STK32B: variants seen among roughly 807,000 people sequenced by gnomAD.
The protein encoded by STK32B is serine/threonine-protein kinase 32B.
STK32B carries 43 observed loss-of-function variants against 52.6 expected under a neutral mutation model. The observed-to-expected ratio is 0.82, with a 90% CI of 0.64 to 1.05. The LOEUF is 1.05. STK32B is among the 50% of genes least tolerant of loss of function. STK32B has a pLI of 0.00. For synonymous variants in STK32B, 238 were observed against 204.3 expected (o/e 1.17, Z -1.41); for missense variants, 621 against 534.6 (o/e 1.16, Z -1.59).
intron 2 of STK32B, among the ~76,000 whole-genome samples, chr4:5,167,579 A>T: frequency 6.6e-6 from 1 of 152,228 alleles, no homozygotes. Flanking sequence ...GAAGGAAGAC[A>T]GCCAGGAAAG....
intron 3 of STK32B, among the ~76,000 whole-genome samples, chr4:5,245,957 A>G (rs1157595253): frequency 6.6e-6 from 1 of 152,140 alleles, no homozygotes; most frequent in Non-Finnish European, 1.5e-5. Context: ...TAGTCTGAGG[A>G]GCTTCCCTTT....
chr4:5,460,017 A>G lies in STK32B; in HGVS notation c.784-86A>G, dbSNP rs1716904618. ...GAGCGTGAAGAGCAGAGGCACATTA[A>G]TTGCCCTGAGACCCCCTCCTTCAGA... On this transcript the variant is annotated intron_variant, in intron 8 of 11. Transcript: ENST00000282908. The surrounding 1 kb of genome is among the most constrained non-coding windows in gnomAD (Gnocchi z 4.8). The G allele has an allele frequency of 6.3e-7, 1 of 1,597,278 alleles. No individual in the cohort carries two copies. Among genetic ancestry groups the G allele is most frequent in the Non-Finnish European group, 8.6e-7 (1 of 1,167,110 alleles).
Position 5,486,242 on chromosome 4 carries a change from G to C in STK32B, c.1107-12703G>C, listed in dbSNP as rs552681062. On this transcript the variant is annotated intron_variant, in intron 11 of 11. Transcript: ENST00000282908. ...AGCCGTAGTGGGCTCCACCCAGTTC[G>C]AGCTTCCCAGCCTCTTTGTTTACCT... 2.0e-5 allele frequency among the ~76,000 whole-genome samples: 3 copies of C among 152,280 alleles called. No individual in the cohort carries two copies. In the East Asian group the frequency reaches 5.8e-4, roughly 29 times the overall value.
rs142008928 is a variant in STK32B, at chr4:5,455,546, C to T, written c.667-1261C>T. On this transcript the variant is annotated intron_variant, in intron 7 of 11. Coordinates refer to ENST00000282908, the MANE Select transcript of STK32B (RefSeq NM_018401.3). ...AGGGCTGGGCTTCTTGGAACTTTTCCGAAGCAAGAACTCAAGGTGCAGCCA... is the reference window on the plus strand; with the variant it reads ...AGGGCTGGGCTTCTTGGAACTTTTCTGAAGCAAGAACTCAAGGTGCAGCCA... Among the ~76,000 whole-genome samples the T allele has an allele frequency of 1.7e-4, 26 of 152,276 alleles. No individual in the cohort carries two copies. In the East Asian group the frequency reaches 4.8e-3, roughly 28 times the overall value.
chr4:5,119,532 T>A (rs1373895776), intron 1 of STK32B, among the ~76,000 whole-genome samples: 1 of 152,234 alleles, frequency 6.6e-6, no homozygotes, highest in African/African-American at 2.4e-5. Flanking sequence ...CATGTCATAT[T>A]TTTTTCCTCT....
In STK32B at chr4:5,500,553, A is replaced by C. The variant is rs1161452891; in HGVS notation, c.*1470A>C. ...GACTGTGTTTTTATTTTTTCATCCA[A>C]CTTCCATTTTTCACTTTTTACATGA... On this transcript the variant is annotated 3_prime_UTR_variant, in exon 12 of 12. Coordinates refer to ENST00000282908, the MANE Select transcript of STK32B (RefSeq NM_018401.3). The C allele has an allele frequency of 6.6e-6, 1 of 151,998 alleles. No homozygotes were observed. The highest frequency in any genetic ancestry group is 1.5e-5 in the Non-Finnish European group (1 of 68,000). The allele number at this position is 151,998 out of a possible 1,614,324, so 9.4% of individuals were successfully genotyped here.
intron 4 of STK32B, among the ~76,000 whole-genome samples, chr4:5,361,405 G>A (rs1321905872): frequency 1.3e-5 from 2 of 151,974 alleles, no homozygotes; most frequent in East Asian, 1.9e-4. Context: ...TTTTATTTAT[G>A]GTGTCATCCA....
At chr4:5,138,056 C>A (rs1716179127) in intron 1 of STK32B, among the ~76,000 whole-genome samples, 1 of 152,152 alleles carries the variant, frequency 6.6e-6, no homozygotes, top group Non-Finnish European at 1.5e-5. Flanking sequence ...AGCTGCAGTC[C>A]AAGCTCATTG....
chr4:5,235,474 A>C (rs1315785896), intron 3 of STK32B, among the ~76,000 whole-genome samples: 1 of 152,188 alleles, frequency 6.6e-6, no homozygotes, highest in East Asian at 1.9e-4. Flanking sequence ...AATATGTGGC[A>C]AGCACTTAGA....
At chr4:5,392,158 AG>A (rs1285304387) in intron 4 of STK32B, among the ~76,000 whole-genome samples, 1 of 152,230 alleles carries the variant, frequency 6.6e-6, no homozygotes, top group Non-Finnish European at 1.5e-5. Context: ...AATCAGAACA[AG>A]CATGATGGCT....
rs558253258 is a variant in STK32B, at chr4:5,476,352, C to T, written c.1106+8282C>T. On this transcript the variant is annotated intron_variant, in intron 11 of 11. Transcript: ENST00000282908. ...CTGTTTCACTATCCCCCTTCTAATG[C>T]TCACTTTTAATTTTTTAAAAATACA... is the stretch of plus-strand genomic sequence containing the variant. Among the ~76,000 whole-genome samples, 3 of 152,264 alleles carry T rather than the reference C, an allele frequency of 2.0e-5. No homozygotes were observed. In the East Asian group the frequency reaches 5.8e-4, roughly 29 times the overall value.
At chr4:5,304,317 A>T (rs1478366345) in intron 3 of STK32B, among the ~76,000 whole-genome samples, 2 of 151,738 alleles carry the variant, frequency 1.3e-5, no homozygotes, top group Non-Finnish European at 2.9e-5. Context: ...TGAGCATGGG[A>T]TGTGTTTCCA....
chr4:5,392,479 T>G (rs1416513419), intron 4 of STK32B, among the ~76,000 whole-genome samples: 1 of 152,206 alleles, frequency 6.6e-6, no homozygotes, highest in African/African-American at 2.4e-5. Flanking sequence ...ATTATAAGCA[T>G]GTTCCTCAGA....
chr4:5,278,416 T>C (rs1240077156), intron 3 of STK32B, among the ~76,000 whole-genome samples: 4 of 152,072 alleles, frequency 2.6e-5, no homozygotes, highest in Admixed American at 6.6e-5. Context: ...GATGAGACCT[T>C]GGGCCCTTGT....
At chr4:5,249,956 A>G (rs995075594) in intron 3 of STK32B, among the ~76,000 whole-genome samples, 2 of 152,070 alleles carry the variant, frequency 1.3e-5, no homozygotes, top group African/African-American at 4.8e-5. Context: ...CCTTCTTTGT[A>G]TCCATGTACA....
chr4:5,172,270 T>A (rs974574547), intron 3 of STK32B, among the ~76,000 whole-genome samples: 3 of 152,284 alleles, frequency 2.0e-5, no homozygotes, highest in South Asian at 2.1e-4. Context: ...ACAATTTGAC[T>A]TCCTCTTTTC....
At chr4:5,286,794 C>CTTTTTTTT (rs60300816) in intron 3 of STK32B, among the ~76,000 whole-genome samples, 4 of 113,252 alleles carry the variant, frequency 3.5e-5, no homozygotes, top group Admixed American at 9.4e-5. Context: ...TACAGATGTA[C>CTTTTTTTT]TTTTTTTTTT....
chr4:5,399,297 C>T lies in STK32B; in HGVS notation c.472+1053C>T, dbSNP rs1351796457. Reference sequence around the variant, plus strand: ...ATGAGTCACATTTTCTACGCAGCTCCCCCACCCTCCTTCCCCACCTCTGCA... The same window carrying T: ...ATGAGTCACATTTTCTACGCAGCTCTCCCACCCTCCTTCCCCACCTCTGCA... On this transcript the variant is annotated intron_variant, in intron 5 of 11. Transcript: ENST00000282908. The surrounding 1 kb of genome is among the most constrained non-coding windows in gnomAD (Gnocchi z 5.4). 6.6e-6 allele frequency among the ~76,000 whole-genome samples: 1 copy of T among 152,120 alleles called. No homozygotes were observed. Among genetic ancestry groups the T allele is most frequent in the Non-Finnish European group, 1.5e-5 (1 of 68,028 alleles).
intron 1 of STK32B, among the ~76,000 whole-genome samples, chr4:5,116,100 A>G (rs897995622): frequency 6.6e-6 from 1 of 152,054 alleles, no homozygotes; most frequent in Non-Finnish European, 1.5e-5. Flanking sequence ...TTAGAGTAAC[A>G]TGGTTTCCAT....
Sources: allele counts gnomAD v4.1 joint callset (sites outside exome capture counted in the v4.1 genomes callset), GRCh38; gene constraint gnomAD v4.1.1; non-coding constraint Gnocchi (gnomAD v3.1); transcripts MANE v1.5; gene names NCBI Gene and HGNC (gene_info 2026-07-23, HGNC 2026-07-21).